ARHGAP35: variants seen among roughly 807,000 people sequenced by gnomAD.
ARHGAP35 encodes Rho GTPase activating protein 35.
ARHGAP35 carries 15 observed loss-of-function variants against 111.1 expected under a neutral mutation model. That is an observed-to-expected ratio of 0.13 (90% CI 0.09 to 0.21). The LOEUF (loss-of-function observed/expected upper bound fraction) is 0.21. Among genes scored for constraint, ARHGAP35 ranks in the 10% least tolerant of loss-of-function variants. The pLI, the probability that ARHGAP35 is intolerant of heterozygous loss-of-function variation, is 1.00. For synonymous variants in ARHGAP35, 643 were observed against 710.3 expected (o/e 0.91, Z 1.51); for missense variants, 1,262 against 1,873.0 (o/e 0.67, Z 6.02).
chr19:46,996,087 A>G (rs1267173838), intron 5 of ARHGAP35, among the ~76,000 whole-genome samples: 1 of 152,102 alleles, frequency 6.6e-6, no homozygotes, highest in African/African-American at 2.4e-5. Flanking sequence ...CTGGGATTCT[A>G]GGGGGCAGCC....
At chr19:46,949,052 G>C (rs1209877357) in intron 3 of ARHGAP35, 1 of 152,062 alleles carries the variant, frequency 6.6e-6, no homozygotes, top group East Asian at 1.9e-4. Flanking sequence ...AGCTACTCGG[G>C]AGGCTGAGGT....
intron 1 of ARHGAP35, among the ~76,000 whole-genome samples, chr19:46,868,893 ATTTTT>A (rs59080309): frequency 1.7e-5 from 1 of 58,666 alleles, no homozygotes; most frequent in Non-Finnish European, 3.0e-5. Flanking sequence ...GCTCACCGTG[ATTTTT>A]TTTTTTTTTT....
At position 46,920,400 on chromosome 19, in the gene ARHGAP35, T is replaced by C. The variant is rs369018120; in HGVS notation, c.1725T>C (p.Ser575=). 2.5e-5 allele frequency: 41 copies of C among 1,613,998 alleles called. No homozygotes were observed. The African/African-American group carries it at 3.9e-4, about 15-fold the overall frequency. The change falls in exon 2 of 7, where the codon AGT becomes AGC. Residue 575 remains serine (S), a synonymous_variant. Coordinates refer to ENST00000672722, the MANE Select transcript of ARHGAP35 (RefSeq NM_004491.5). This position sits in a 1 kb window ranked among gnomAD's most constrained non-coding sequence, Gnocchi z 7.0. ...CVDAKIEHLI[S]SRFIRPSDRN... ...ACGCTAAGATTGAGCACTTGATTAG[T>C]TCTCGGTTTATCCGGCCGTCTGACC...
chr19:46,880,485 A>G (rs540170016), intron 1 of ARHGAP35, among the ~76,000 whole-genome samples: 8 of 152,274 alleles, frequency 5.3e-5, no homozygotes, highest in African/African-American at 1.9e-4. Flanking sequence ...GATTGCAACA[A>G]TTCTGTCACA....
intron 3 of ARHGAP35, among the ~76,000 whole-genome samples, chr19:46,979,958 GGGGGAGCTGC>G (rs1404140114): frequency 1.3e-5 from 2 of 152,148 alleles, no homozygotes; most frequent in Admixed American, 6.5e-5. Context: ...GAAGGCAGCA[GGGGGAGCTGC>G]GGGGACTCGT....
chr19:46,885,897 G>T (rs528686071), intron 1 of ARHGAP35, among the ~76,000 whole-genome samples: 71 of 152,240 alleles, frequency 4.7e-4, no homozygotes, highest in Admixed American at 4.1e-3. Flanking sequence ...CTCCTGAGTA[G>T]CTGGGGCTAC....
intron 3 of ARHGAP35, among the ~76,000 whole-genome samples, chr19:46,977,465 C>T (rs953260855): frequency 4.6e-5 from 7 of 152,230 alleles, no homozygotes; most frequent in African/African-American, 1.7e-4. Flanking sequence ...GCCTTCCTCC[C>T]TCTCTTCAGC....
intron 2 of ARHGAP35, among the ~76,000 whole-genome samples, chr19:46,933,950 T>G (rs2056288642): frequency 6.6e-6 from 1 of 152,196 alleles, no homozygotes. Flanking sequence ...GGTGGGGGAA[T>G]GTAAGATTGA....
In ARHGAP35 at chr19:46,861,058, C is replaced by G. The variant is rs949703063; in HGVS notation, c.-340C>G. Among the ~76,000 whole-genome samples the G allele has an allele frequency of 6.6e-6, 1 of 151,122 alleles. No individual in the cohort carries two copies. ...GGTGGAGGAGGCGGAGGAGGGAACC[C>G]GCGAGGGAGGGTCCGCCCGGCCCCC... On this transcript the variant is annotated 5_prime_UTR_variant, in exon 1 of 7. Coordinates refer to ENST00000672722, the MANE Select transcript of ARHGAP35 (RefSeq NM_004491.5).
At chr19:46,912,032 G>C (rs1236878948) in intron 1 of ARHGAP35, among the ~76,000 whole-genome samples, 1 of 150,908 alleles carries the variant, frequency 6.6e-6, no homozygotes, top group African/African-American at 2.4e-5. Flanking sequence ...AGAGAATAGT[G>C]TTCCCTTCTT....
Position 46,937,316 on chromosome 19 carries a change from A to C in ARHGAP35, c.3734A>C (p.Asn1245Thr), listed in dbSNP as rs762349002. Residue 1245 changes from asparagine (N) to threonine (T), a missense_variant, in exon 3 of 7, where the codon AAC becomes ACC. By Grantham distance (65) the Asn-to-Thr change is moderately conservative (BLOSUM62 0). This residue lies in a region of ARHGAP35 where 579 missense variants were observed against 716.9 expected (regional missense o/e 0.81). Coordinates refer to ENST00000672722, the MANE Select transcript of ARHGAP35 (RefSeq NM_004491.5). ...ATCACAAAGGCAACCTGGGAGAGTA[A>C]CTATTTTGGGGTGCCCTTAACAACT... ...PSITKATWESNYFGVPLTTVV... is the reference protein window; with the variant it reads ...PSITKATWESTYFGVPLTTVV... 1.9e-6 allele frequency: 3 copies of C among 1,613,954 alleles called. No homozygotes were observed. In the East Asian group the frequency reaches 6.7e-5, roughly 36 times the overall value.
At chr19:46,914,765 A>G (rs552556466) in intron 1 of ARHGAP35, among the ~76,000 whole-genome samples, 1 of 152,340 alleles carries the variant, frequency 6.6e-6, no homozygotes, top group East Asian at 1.9e-4. Context: ...TAGAGCCAAT[A>G]TCTTTATTTC....
intron 1 of ARHGAP35, among the ~76,000 whole-genome samples, chr19:46,894,220 G>A (rs2056041445): frequency 6.6e-6 from 1 of 152,140 alleles, no homozygotes; most frequent in African/African-American, 2.4e-5. Context: ...CATGGACAAA[G>A]TCAAGCTTTC....
At chr19:46,937,141 C>T (rs2056314242) in intron 2 of ARHGAP35, 123 bp from the exon 3 acceptor site, 1 of 1,244,734 alleles carries the variant, frequency 8.0e-7, no homozygotes, top group African/African-American at 1.5e-5. Flanking sequence ...TATCCAGCCA[C>T]TTCTTGACAT....
At chr19:46,869,213 CT>C (rs2055874681) in intron 1 of ARHGAP35, among the ~76,000 whole-genome samples, 1 of 152,018 alleles carries the variant, frequency 6.6e-6, no homozygotes, top group African/African-American at 2.4e-5. Context: ...GGACATGATA[CT>C]TTATTTAGTA....
chr19:46,948,764 G>T (rs539523933), intron 3 of ARHGAP35: 3 of 152,242 alleles, frequency 2.0e-5, no homozygotes, highest in African/African-American at 7.2e-5. Flanking sequence ...AGCTGGGATG[G>T]CAAGAAGAAT....
chr19:46,924,254 T>C (rs575159958), intron 2 of ARHGAP35, among the ~76,000 whole-genome samples: 115 of 152,322 alleles, frequency 7.5e-4, no homozygotes, highest in African/African-American at 2.8e-3. Context: ...CTGACAACTC[T>C]GTTGTAAAAT....
At position 46,922,860 on chromosome 19, in the gene ARHGAP35, A is replaced by G. The variant is rs998005712; in HGVS notation, c.3681+504A>G. Among the ~76,000 whole-genome samples, 1 of 152,240 alleles carries G rather than the reference A, an allele frequency of 6.6e-6. No homozygotes were observed. The highest frequency in any genetic ancestry group is 2.4e-5 in the African/African-American group (1 of 41,462). On this transcript the variant is annotated intron_variant, in intron 2 of 6. Transcript: ENST00000672722. This position sits in a 1 kb window ranked among gnomAD's most constrained non-coding sequence, Gnocchi z 4.0. ...ACAAATCAGTGACGAGTCTTTGAGTACATAAATGAAAAAAGAGAATCTTGC... is the reference window on the plus strand; with the variant it reads ...ACAAATCAGTGACGAGTCTTTGAGTGCATAAATGAAAAAAGAGAATCTTGC...
At chr19:46,997,264 T>C (rs1372532495) in intron 5 of ARHGAP35, among the ~76,000 whole-genome samples, 2 of 152,190 alleles carry the variant, frequency 1.3e-5, no homozygotes, top group African/African-American at 4.8e-5. Context: ...CAGGACTTTT[T>C]TAGTCATTTC....
Sources: allele counts gnomAD v4.1 joint callset (sites outside exome capture counted in the v4.1 genomes callset), GRCh38; gene constraint gnomAD v4.1.1; regional missense constraint gnomAD v4.1.1; non-coding constraint Gnocchi (gnomAD v3.1); transcripts MANE v1.5; gene names NCBI Gene and HGNC (gene_info 2026-07-23, HGNC 2026-07-21).